The following EXT2 variants were observed in gnomAD, a reference collection of about 807,000 sequenced individuals.
The protein encoded by EXT2 is exostosin glycosyltransferase 2, also known as exostosin-2.
In EXT2, 53 loss-of-function variants were observed where a neutral mutation model predicts 81.6. The observed-to-expected ratio is 0.65, with a 90% confidence interval of 0.52 to 0.82. The LOEUF is 0.82. EXT2 is among the 40% of genes least tolerant of loss of function. The pLI, the probability that EXT2 is intolerant of heterozygous loss-of-function variation, is 0.00. For synonymous variants in EXT2, 320 were observed against 340.0 expected (o/e 0.94, Z 0.65); for missense variants, 774 against 910.2 (o/e 0.85, Z 1.93).
chr11:44,203,226 G>A (rs544565965), intron 9 of EXT2, among the ~76,000 whole-genome samples: 1 of 152,240 alleles, frequency 6.6e-6, no homozygotes, highest in Non-Finnish European at 1.5e-5. Context: ...GAAACCACAT[G>A]ATAATTTGAA....
At chr11:44,211,379 G>C (rs1043008142) in intron 10 of EXT2, among the ~76,000 whole-genome samples, 36 of 152,132 alleles carry the variant, frequency 2.4e-4, no homozygotes, top group African/African-American at 8.7e-4. Flanking sequence ...ATCAACCTAA[G>C]TATCCATAAA....
intron 3 of EXT2, 105 bp from the exon 4 acceptor site, chr11:44,114,080 G>A: frequency 7.9e-6 from 8 of 1,015,912 alleles, no homozygotes; most frequent in Non-Finnish European, 1.2e-5. Flanking sequence ...GTAAACGTTA[G>A]CTGGTTTTGA....
chr11:44,133,055 T>C (rs991830839), intron 7 of EXT2, among the ~76,000 whole-genome samples: 2 of 152,160 alleles, frequency 1.3e-5, no homozygotes, highest in African/African-American at 4.8e-5. Context: ...TCACCAAAAA[T>C]GTCTCTAGAA....
intron 9 of EXT2, among the ~76,000 whole-genome samples, chr11:44,202,716 G>C (rs761821332): frequency 6.6e-6 from 1 of 152,232 alleles, no homozygotes; most frequent in Non-Finnish European, 1.5e-5. Flanking sequence ...GCTGGGCACT[G>C]TGTTGCTAAA....
intron 8 of EXT2, among the ~76,000 whole-genome samples, chr11:44,195,557 C>T (rs1955446399): frequency 6.6e-6 from 1 of 152,210 alleles, no homozygotes; most frequent in South Asian, 2.1e-4. Flanking sequence ...CTAGGAATCC[C>T]ATTCAGCTTC....
intron 8 of EXT2, among the ~76,000 whole-genome samples, chr11:44,188,530 T>C: frequency 6.6e-6 from 1 of 152,126 alleles, no homozygotes; most frequent in East Asian, 1.9e-4. Context: ...TTTGTATTGA[T>C]AGGAACCAGC....
At chr11:44,153,016 C>G (rs1238599618) in intron 7 of EXT2, among the ~76,000 whole-genome samples, 2 of 152,130 alleles carry the variant, frequency 1.3e-5, no homozygotes, top group Non-Finnish European at 2.9e-5. Flanking sequence ...CTTTACCTCT[C>G]TATACAAATT....
chr11:44,124,874 G>A lies in EXT2; in HGVS notation c.829G>A (p.Gly277Arg). The stretch of plus-strand genomic sequence containing the variant: ...CCTAGAAGCCCTCCAGGTCAAACAT[G>A]GAGAGTCAGTGTTAGTACTCGATAA... ...EDLEALQVKH[G>R]ESVLVLDKCT... The change falls in exon 5 of 14, where the codon GGA becomes AGA. Residue 277 changes from glycine to arginine, a missense_variant. This residue lies in a region of EXT2 where 626 missense variants were observed against 670.5 expected (regional missense o/e 0.93). Transcript: ENST00000533608. The A allele has an allele frequency of 6.2e-7, 1 of 1,614,116 alleles. No individual in the cohort carries two copies. The highest frequency in any genetic ancestry group is 8.5e-7 in the Non-Finnish European group (1 of 1,180,022).
At chr11:44,109,507 C>G (rs1286581305) in intron 3 of EXT2, among the ~76,000 whole-genome samples, 4 of 152,230 alleles carry the variant, frequency 2.6e-5, no homozygotes, top group Non-Finnish European at 5.9e-5. Flanking sequence ...TGTTTTCCCA[C>G]TCTGGATTGT....
At chr11:44,106,820 GGTTTT>G (rs1228557843) in intron 1 of EXT2, among the ~76,000 whole-genome samples, 1 of 152,188 alleles carries the variant, frequency 6.6e-6, no homozygotes, top group Non-Finnish European at 1.5e-5. Context: ...AGTAGAGACG[GGTTTT>G]GCCATGTTGG....
chr11:44,139,883 A>G (rs185051033), intron 7 of EXT2, among the ~76,000 whole-genome samples: 1 of 152,232 alleles, frequency 6.6e-6, no homozygotes, highest in Non-Finnish European at 1.5e-5. Flanking sequence ...TGCTGAGTCC[A>G]GGAGCTCAGG....
At position 44,124,967 on chromosome 11, in the gene EXT2, T is replaced by G; in HGVS notation, c.922T>G (p.Tyr308Asp). 6.2e-7 allele frequency: 1 copy of G among 1,613,078 alleles called. No individual in the cohort carries two copies. The highest frequency in any genetic ancestry group is 8.5e-7 in the Non-Finnish European group (1 of 1,180,006). ...KRCHKHQVFD[Y>D]PQVLQEATFC... ...CTGCCACAAGCACCAGGTCTTCGATTACCCACAGGTGCTACAGGTGAGTGT... is the reference window on the plus strand; with the variant it reads ...CTGCCACAAGCACCAGGTCTTCGATGACCCACAGGTGCTACAGGTGAGTGT... The change falls in exon 5 of 14, where the codon TAC becomes GAC. Residue 308 changes from tyrosine (Y) to aspartate (D), a missense_variant. Physicochemically the swap from Tyr to Asp is radical, Grantham distance 160. Coordinates refer to ENST00000533608, the MANE Select transcript of EXT2 (RefSeq NM_207122.2).
At chr11:44,136,853 G>C (rs1954577138) in intron 7 of EXT2, among the ~76,000 whole-genome samples, 1 of 152,120 alleles carries the variant, frequency 6.6e-6, no homozygotes, top group African/African-American at 2.4e-5. Context: ...AGTGCACATT[G>C]ACCTGATCCC....
intron 13 of EXT2, among the ~76,000 whole-genome samples, chr11:44,242,395 A>G (rs186355676): frequency 1.3e-5 from 2 of 152,202 alleles, no homozygotes; most frequent in African/African-American, 4.8e-5. Flanking sequence ...TCTCCCTTCA[A>G]TTTGGAACTA....
intron 9 of EXT2, among the ~76,000 whole-genome samples, chr11:44,200,200 G>C (rs1335683210): frequency 6.7e-6 from 1 of 149,704 alleles, no homozygotes; most frequent in African/African-American, 2.4e-5. Flanking sequence ...AGAGGCAAAA[G>C]TGATGTTTTT....
chr11:44,160,275 G>C (rs1954911689), intron 7 of EXT2, among the ~76,000 whole-genome samples: 1 of 152,208 alleles, frequency 6.6e-6, no homozygotes, highest in Non-Finnish European at 1.5e-5. Context: ...TCCTGGAGAG[G>C]TTTGTGCTCC....
intron 7 of EXT2, among the ~76,000 whole-genome samples, chr11:44,152,114 C>G (rs1954799901): frequency 1.3e-5 from 2 of 152,130 alleles, no homozygotes. Flanking sequence ...TTTTGGAGAA[C>G]AGTCCCTTAT....
At chr11:44,192,801 A>G (rs904369250) in intron 8 of EXT2, among the ~76,000 whole-genome samples, 2 of 152,194 alleles carry the variant, frequency 1.3e-5, no homozygotes, top group East Asian at 1.9e-4. Flanking sequence ...AAATATCTCT[A>G]TAAAATCCTA....
intron 8 of EXT2, among the ~76,000 whole-genome samples, chr11:44,184,935 A>C (rs1158950608): frequency 6.6e-6 from 1 of 152,212 alleles, no homozygotes; most frequent in Non-Finnish European, 1.5e-5. Flanking sequence ...ACAGTGCTTG[A>C]TGTTCAAAAC....
Sources: allele counts gnomAD v4.1 joint callset (sites outside exome capture counted in the v4.1 genomes callset), GRCh38; gene constraint gnomAD v4.1.1; regional missense constraint gnomAD v4.1.1; transcripts MANE v1.5; gene names NCBI Gene and HGNC (gene_info 2026-07-23, HGNC 2026-07-21).